The following CA10 variants were observed in gnomAD, a reference collection of about 807,000 sequenced individuals.
The protein encoded by CA10 is carbonic anhydrase 10 (inactive), also known as carbonic anhydrase-related protein 10.
Under a neutral mutation model 44.2 loss-of-function variants are expected in CA10, and 14 were observed. The ratio of observed to expected loss-of-function variants is 0.32; its 90% CI spans 0.21 to 0.50. The LOEUF is 0.50. Among genes scored for constraint, CA10 ranks in the 20% least tolerant of loss-of-function variants. The pLI is 0.99. For missense variants in CA10, 350 were observed against 409.7 expected, an observed-to-expected ratio of 0.85 and a Z score of 1.26; for synonymous variants, 159 against 141.6, an observed-to-expected ratio of 1.12 and a Z score of -0.87.
intron 1 of CA10, among the ~76,000 whole-genome samples, chr17:52,123,351 GTA>G (rs1308593929): frequency 2.9e-5 from 4 of 137,782 alleles, no homozygotes; most frequent in Non-Finnish European, 6.2e-5. Flanking sequence ...GTGTGTGTGT[GTA>G]TGTGTGTATA....
chr17:51,867,340 T>C (rs1979595658), intron 3 of CA10, among the ~76,000 whole-genome samples: 1 of 152,106 alleles, frequency 6.6e-6, no homozygotes, highest in Non-Finnish European at 1.5e-5. Context: ...CTAAATAGAA[T>C]TGGAAATAAC....
chr17:52,134,100 CTCTATA>C (rs1989299530), intron 1 of CA10, among the ~76,000 whole-genome samples: 1 of 152,212 alleles, frequency 6.6e-6, no homozygotes, highest in Non-Finnish European at 1.5e-5. Flanking sequence ...GCCATCTTCA[CTCTATA>C]CGTTATTAAT....
chr17:52,044,892 G>A (rs1038775986), intron 2 of CA10, among the ~76,000 whole-genome samples: 1 of 151,888 alleles, frequency 6.6e-6, no homozygotes, highest in Non-Finnish European at 1.5e-5. Flanking sequence ...ATTGGAAAGT[G>A]GGTGATGGTA....
At chr17:52,155,842 G>A (rs2143425181) in intron 1 of CA10, among the ~76,000 whole-genome samples, 1 of 152,300 alleles carries the variant, frequency 6.6e-6, no homozygotes, top group African/African-American at 2.4e-5. Context: ...GTACTCCATA[G>A]CACTCCTCCT....
chr17:51,870,439 T>C (rs1163920886), intron 3 of CA10, among the ~76,000 whole-genome samples: 1 of 152,188 alleles, frequency 6.6e-6, no homozygotes, highest in Non-Finnish European at 1.5e-5. Context: ...AAACACTGGG[T>C]CAAATCAAAT....
chr17:52,122,686 C>T (rs72836044), intron 1 of CA10, among the ~76,000 whole-genome samples: 2,131 of 152,196 alleles, frequency 0.014, 21 homozygotes, highest in Non-Finnish European at 0.022. Flanking sequence ...TCAGAGGCCC[C>T]GGAATTAGTA....
chr17:51,632,143 C>T (rs187609303), intron 8 of CA10, among the ~76,000 whole-genome samples: 2 of 152,256 alleles, frequency 1.3e-5, no homozygotes, highest in East Asian at 3.9e-4. Context: ...ACTACAATGT[C>T]AGAGTGCCAT....
intron 4 of CA10, among the ~76,000 whole-genome samples, chr17:51,689,757 TCTTC>T (rs1307886510): frequency 1.3e-5 from 2 of 152,188 alleles, no homozygotes; most frequent in Non-Finnish European, 2.9e-5. Flanking sequence ...TCCCTCCCTT[TCTTC>T]CTTCCTTTAG....
At chr17:51,634,742 C>T (rs945207237) in intron 7 of CA10, among the ~76,000 whole-genome samples, 2 of 152,322 alleles carry the variant, frequency 1.3e-5, no homozygotes, top group African/African-American at 4.8e-5. Context: ...ATACCACTTC[C>T]TCTTGAAGAC....
At chr17:51,909,487 T>C (rs1435685323) in intron 3 of CA10, among the ~76,000 whole-genome samples, 1 of 152,140 alleles carries the variant, frequency 6.6e-6, no homozygotes. Context: ...TCGAGCTATT[T>C]TGAGACATGG....
intron 2 of CA10, among the ~76,000 whole-genome samples, chr17:51,992,915 A>G (rs1985093774): frequency 6.6e-6 from 1 of 152,120 alleles, no homozygotes; most frequent in Non-Finnish European, 1.5e-5. Context: ...AAAAAGGTGA[A>G]CTTGTCTTTA....
At chr17:51,662,093 C>T (rs1914029865) in intron 4 of CA10, among the ~76,000 whole-genome samples, 1 of 152,156 alleles carries the variant, frequency 6.6e-6, no homozygotes. Context: ...ATATATTTTC[C>T]AGTAAGTGTT....
intron 2 of CA10, among the ~76,000 whole-genome samples, chr17:51,976,466 T>C (rs939437047): frequency 2.2e-4 from 33 of 152,254 alleles, no homozygotes; most frequent in African/African-American, 7.9e-4. Flanking sequence ...AATACGCACA[T>C]ATTTAGAAAT....
intron 2 of CA10, among the ~76,000 whole-genome samples, chr17:52,041,140 T>C (rs1444162652): frequency 6.6e-6 from 1 of 151,986 alleles, no homozygotes; most frequent in African/African-American, 2.4e-5. Context: ...CTTAACTGCA[T>C]ACTAGAAGAA....
At chr17:51,957,577 G>A (rs970742055) in intron 2 of CA10, among the ~76,000 whole-genome samples, 2 of 152,104 alleles carry the variant, frequency 1.3e-5, no homozygotes, top group African/African-American at 4.8e-5. Flanking sequence ...ATCTATCACT[G>A]CCTCCAAGGA....
chr17:52,154,550 C>G (rs1989765438), intron 1 of CA10, among the ~76,000 whole-genome samples: 2 of 152,190 alleles, frequency 1.3e-5, no homozygotes, highest in Admixed American at 1.3e-4. Context: ...CTGATCTGAG[C>G]TGCTTTGGTA....
chr17:51,965,408 T>C (rs1184303804), intron 2 of CA10, among the ~76,000 whole-genome samples: 1 of 151,378 alleles, frequency 6.6e-6, no homozygotes, highest in Admixed American at 6.6e-5. Context: ...TACTAAAACC[T>C]GGTAAAGACA....
chr17:51,632,238 G>C (rs1279821063), intron 8 of CA10, among the ~76,000 whole-genome samples: 2 of 151,862 alleles, frequency 1.3e-5, no homozygotes, highest in Admixed American at 6.6e-5. Flanking sequence ...TAGACCATAT[G>C]CTCTGTTTGG....
chr17:51,855,350 A>G (rs1337149071), intron 3 of CA10, among the ~76,000 whole-genome samples: 1 of 152,214 alleles, frequency 6.6e-6, no homozygotes, highest in Non-Finnish European at 1.5e-5. Flanking sequence ...AACTCACAAT[A>G]GCAAGATTGT....
Sources: allele counts gnomAD v4.1 joint callset (sites outside exome capture counted in the v4.1 genomes callset), GRCh38; gene constraint gnomAD v4.1.1; transcripts MANE v1.5; gene names NCBI Gene and HGNC (gene_info 2026-07-23, HGNC 2026-07-21).